The following DNAAF11 variants were observed in gnomAD, a reference collection of about 807,000 sequenced individuals.
DNAAF11 encodes the protein dynein axonemal assembly factor 11.
In DNAAF11, 45 loss-of-function variants were observed where a neutral mutation model predicts 60.8. That is an observed-to-expected ratio of 0.74 (90% CI 0.58 to 0.95). The LOEUF (loss-of-function observed/expected upper bound fraction) is 0.95. Ranked by LOEUF, DNAAF11 falls within the 40% of genes least tolerant of loss-of-function variation. DNAAF11 has a pLI of 0.00. For missense variants in DNAAF11, 546 were observed against 546.2 expected (o/e 1.00, Z 0.00); for synonymous variants, 191 against 183.5 (o/e 1.04, Z -0.33).
chr8:132,674,196 AAGGAGGAGGAGAAGG>A (rs1322406544), intron 1 of DNAAF11, among the ~76,000 whole-genome samples: 27 of 94,300 alleles, frequency 2.9e-4, no homozygotes, highest in African/African-American at 1.2e-3. Context: ...GGAGGAGGAG[AAGGAGGAGGAGAAGG>A]AGGAGGAGGA....
the DNAAF11 span, among the ~76,000 whole-genome samples, chr8:132,689,648 C>G: frequency 1.3e-5 from 2 of 151,828 alleles, no homozygotes; most frequent in Admixed American, 6.6e-5. Context: ...TTCTCTGTGA[C>G]AAGAAATAGT....
intron 2 of DNAAF11, among the ~76,000 whole-genome samples, chr8:132,660,966 T>C (rs1824074335): frequency 6.6e-6 from 1 of 152,188 alleles, no homozygotes; most frequent in African/African-American, 2.4e-5. Context: ...ATCCCTGCAT[T>C]TACCTCTAAT....
At chr8:132,672,323 G>C (rs934508401) in intron 1 of DNAAF11, among the ~76,000 whole-genome samples, 1 of 152,128 alleles carries the variant, frequency 6.6e-6, no homozygotes, top group African/African-American at 2.4e-5. Context: ...AATGCACAGA[G>C]AGGAACTAAT....
chr8:132,611,814 A>G (rs997381543), intron 8 of DNAAF11, among the ~76,000 whole-genome samples: 4 of 152,096 alleles, frequency 2.6e-5, no homozygotes, highest in Admixed American at 2.6e-4. Context: ...CTCCTGGAAG[A>G]CTAGATTGCT....
chr8:132,572,950 T>C (rs889417309), intron 11 of DNAAF11, among the ~76,000 whole-genome samples: 27 of 152,038 alleles, frequency 1.8e-4, no homozygotes, highest in African/African-American at 6.5e-4. Context: ...CAAGTTCAGG[T>C]GCATAGTAAA....
intron 5 of DNAAF11, among the ~76,000 whole-genome samples, chr8:132,628,908 T>C (rs928520083): frequency 1.3e-4 from 20 of 152,202 alleles, no homozygotes; most frequent in Admixed American, 3.3e-4. Context: ...TATGTGCCTA[T>C]TACATAACTT....
intron 10 of DNAAF11, among the ~76,000 whole-genome samples, chr8:132,604,819 T>G (rs1817978243): frequency 6.6e-6 from 1 of 152,118 alleles, no homozygotes; most frequent in Non-Finnish European, 1.5e-5. Context: ...ACTTAGGACA[T>G]GTGTAGCAAC....
the DNAAF11 span, among the ~76,000 whole-genome samples, chr8:132,685,557 C>T: frequency 6.6e-6 from 1 of 152,284 alleles, no homozygotes; most frequent in Admixed American, 6.5e-5. Flanking sequence ...ACCCTTCTCA[C>T]GTTGGCTGGC....
upstream of DNAAF11, among the ~76,000 whole-genome samples, chr8:132,676,690 CA>C (rs1051955309): frequency 2.6e-5 from 4 of 152,044 alleles, no homozygotes; most frequent in African/African-American, 9.7e-5. Context: ...GAAAGTCTAA[CA>C]GAGTGAGGTG....
intron 1 of DNAAF11, among the ~76,000 whole-genome samples, chr8:132,663,224 C>G (rs1180792700): frequency 6.6e-6 from 1 of 152,146 alleles, no homozygotes; most frequent in Non-Finnish European, 1.5e-5. Context: ...TTCAGCTGTC[C>G]CTGGAATTCC....
intron 4 of DNAAF11, among the ~76,000 whole-genome samples, chr8:132,636,109 C>T (rs530336197): frequency 6.6e-6 from 1 of 152,042 alleles, no homozygotes; most frequent in Admixed American, 6.6e-5. Flanking sequence ...GAAAATAATA[C>T]ATTTATTAAC....
intron 11 of DNAAF11, among the ~76,000 whole-genome samples, chr8:132,580,063 T>C (rs1322576738): frequency 4.2e-5 from 6 of 142,776 alleles, no homozygotes; most frequent in Admixed American, 2.1e-4. Flanking sequence ...CGAGAACCAA[T>C]AGAACAAGAA....
intron 7 of DNAAF11, among the ~76,000 whole-genome samples, chr8:132,616,069 G>A (rs537427125): frequency 5.3e-5 from 8 of 152,004 alleles, no homozygotes; most frequent in East Asian, 3.9e-4. Context: ...GCTCTGCCTC[G>A]ATTGCTTATT....
At chr8:132,698,163 G>C in the DNAAF11 span, among the ~76,000 whole-genome samples, 1 of 152,120 alleles carries the variant, frequency 6.6e-6, no homozygotes, top group Non-Finnish European at 1.5e-5. Context: ...CAACCTCGCA[G>C]CACAACATAA....
intron 7 of DNAAF11, among the ~76,000 whole-genome samples, chr8:132,620,067 T>C (rs1220037894): frequency 6.6e-6 from 1 of 151,896 alleles, no homozygotes; most frequent in Non-Finnish European, 1.5e-5. Flanking sequence ...AGAGAGAAGG[T>C]AGGAGAGCAG....
intron 3 of DNAAF11, among the ~76,000 whole-genome samples, chr8:132,656,129 A>G (rs77486405): frequency 0.019 from 2,889 of 152,302 alleles, 105 homozygotes; most frequent in African/African-American, 0.066. Context: ...ATGGTTAGAT[A>G]AATCAGTCTA....
At chr8:132,694,620 G>A in the DNAAF11 span, among the ~76,000 whole-genome samples, 1 of 152,226 alleles carries the variant, frequency 6.6e-6, no homozygotes, top group South Asian at 2.1e-4. Flanking sequence ...TTGTAAAATT[G>A]AATGATGCCA....
Position 132,622,672 on chromosome 8 carries a change from C to G in DNAAF11, c.853G>C (p.Val285Leu), listed in dbSNP as rs901919367. 6 of 1,613,244 alleles carry G rather than the reference C, an allele frequency of 3.7e-6. No homozygotes were observed. The change falls in exon 7 of 12, where the codon GTG becomes CTG. Residue 285 changes from valine (V) to leucine (L), a missense_variant. Val to Leu is a conservative substitution (Grantham distance 32). Coordinates refer to ENST00000620350, the MANE Select transcript of DNAAF11 (RefSeq NM_012472.6). ...GTGATCAAAGTCCTGGGTGGTTTCA[C>G]TTTCTTCTTTTTTTCACTTAAGATT... ...QEKLSEKKKK[V>L]KPPRTLITED...
the DNAAF11 span, among the ~76,000 whole-genome samples, chr8:132,680,941 A>G: frequency 1.7e-4 from 25 of 145,494 alleles, no homozygotes; most frequent in Admixed American, 4.1e-4. Flanking sequence ...AAGTAATTGC[A>G]GTTTTTGCCA....
Sources: gnomAD v4.1 joint callset for allele counts (sites outside exome capture counted in the v4.1 genomes callset) on GRCh38, gnomAD v4.1.1 for gene constraint, MANE v1.5 for transcripts, NCBI Gene and HGNC (gene_info 2026-07-23, HGNC 2026-07-21) for gene names.